ADAMTS9: variants seen among roughly 807,000 people sequenced by gnomAD.
ADAMTS9 encodes A disintegrin and metalloproteinase with thrombospondin motifs 9.
In ADAMTS9, 107 loss-of-function variants were observed where a neutral mutation model predicts 257.1. The ratio of observed to expected loss-of-function variants is 0.42; its 90% CI spans 0.36 to 0.49. The LOEUF is 0.49. Among genes scored for constraint, ADAMTS9 ranks in the 20% least tolerant of loss-of-function variants. The probability of loss-of-function intolerance (pLI) is 0.03; values close to 1 mark genes in which losing one functional copy is unlikely to be tolerated. For synonymous variants in ADAMTS9, 982 were observed against 880.9 expected, an observed-to-expected ratio of 1.11 and a Z score of -2.03; for missense variants, 2,353 against 2,469.1, an observed-to-expected ratio of 0.95 and a Z score of 1.00.
chr3:64,548,599 G>GA (rs1215385552), intron 31 of ADAMTS9, among the ~76,000 whole-genome samples: 1 of 151,674 alleles, frequency 6.6e-6, no homozygotes, highest in Non-Finnish European at 1.5e-5. Flanking sequence ...ATTTATGTGG[G>GA]GGGGAGCCCA....
intron 19 of ADAMTS9, 120 bp downstream of exon 19, chr3:64,620,994 A>G: frequency 7.9e-7 from 1 of 1,271,642 alleles, no homozygotes; most frequent in South Asian, 1.5e-5. Context: ...AGCTTATTTC[A>G]CTGAAACACA....
chr3:64,600,054 T>A, intron 26 of ADAMTS9, among the ~76,000 whole-genome samples: 1 of 118,530 alleles, frequency 8.4e-6, no homozygotes, highest in African/African-American at 3.9e-5. Context: ...TTCTGTTCTT[T>A]TTTTTTTTTT....
At chr3:64,681,017 C>A (rs1013323097) in intron 3 of ADAMTS9, among the ~76,000 whole-genome samples, 184 bp downstream of exon 3, 1 of 152,186 alleles carries the variant, frequency 6.6e-6, no homozygotes, top group South Asian at 2.1e-4. Context: ...AGACAAGGTA[C>A]TAAACCTCTC....
intron 19 of ADAMTS9, among the ~76,000 whole-genome samples, chr3:64,620,365 T>C (rs547328709): frequency 3.3e-5 from 5 of 152,162 alleles, no homozygotes; most frequent in South Asian, 2.1e-4. Context: ...TTTCTGCTTA[T>C]AAATGGTGAG....
intron 8 of ADAMTS9, among the ~76,000 whole-genome samples, chr3:64,653,506 T>C (rs1025904636): frequency 6.6e-6 from 1 of 152,194 alleles, no homozygotes; most frequent in African/African-American, 2.4e-5. Flanking sequence ...TCTCCCTCTG[T>C]GCCTCGTACA....
At chr3:64,673,081 T>TAGGCTATGTACCACGTAGCCTAGGG in intron 3 of ADAMTS9, among the ~76,000 whole-genome samples, 3 of 131,088 alleles carry the variant, frequency 2.3e-5, no homozygotes, top group African/African-American at 9.1e-5. Flanking sequence ...GTAGCCTAGG[T>TAGGCTATGTACCACGTAGCCTAGGG]GTGTGGTAGG....
intron 7 of ADAMTS9, 47 bp from the exon 8 acceptor site, chr3:64,654,505 T>G (rs139844136): frequency 1.3e-6 from 2 of 1,596,526 alleles, no homozygotes; most frequent in African/African-American, 2.9e-5. Context: ...AAAAAGCAAC[T>G]GTGGCTTGAA....
At chr3:64,532,436 G>A (rs980669318) in intron 38 of ADAMTS9, among the ~76,000 whole-genome samples, 4 of 152,250 alleles carry the variant, frequency 2.6e-5, no homozygotes, top group Admixed American at 1.3e-4. Context: ...GGTTTCTACC[G>A]AGCGTGTTCT....
At position 64,664,353 on chromosome 3, in the gene ADAMTS9, C is replaced by T. The variant is rs543683899; in HGVS notation, c.680-5562G>A. 3.1e-4 allele frequency among the ~76,000 whole-genome samples: 47 copies of T among 152,198 alleles called. 1 individual carries two copies. The South Asian group carries it at 5.4e-3, about 17-fold the overall frequency. On this transcript the variant is annotated intron_variant, in intron 3 of 39. Coordinates refer to ENST00000498707, the MANE Select transcript of ADAMTS9 (RefSeq NM_182920.2). The stretch of plus-strand genomic sequence containing the variant: ...GGTTTTCAGGATATTCATAGAGTTC[C>T]ACAATCATGGCCACCATCTAACTTT...
In ADAMTS9 at chr3:64,602,168, A is replaced by G; in HGVS notation, c.3793T>C (p.Cys1265Arg). 1 of 1,614,054 alleles carries G rather than the reference A, an allele frequency of 6.2e-7. No homozygotes were observed. Among genetic ancestry groups the G allele is most frequent in the Non-Finnish European group, 8.5e-7 (1 of 1,179,970 alleles). ...ATCACGTGGTCACTGTAGTTGACAC[A>G]CATCACTTGCCGGGTTGCCCTACCT... ...GQGRATRQVMCVNYSDHVIDR... is the reference protein window; with the variant it reads ...GQGRATRQVMRVNYSDHVIDR... Residue 1265 changes from cysteine (C) to arginine (R), a missense_variant, in exon 26 of 40, where the codon TGT (cysteine) becomes CGT (arginine). Physicochemically the swap from Cys to Arg is radical, Grantham distance 180. Coordinates refer to ENST00000498707, the MANE Select transcript of ADAMTS9 (RefSeq NM_182920.2).
At chr3:64,625,146 A>G (rs1238577820) in intron 16 of ADAMTS9, among the ~76,000 whole-genome samples, 2 of 152,218 alleles carry the variant, frequency 1.3e-5, no homozygotes, top group East Asian at 3.9e-4. Flanking sequence ...AATAATTTTC[A>G]TCCCCGGTGC....
At chr3:64,532,665 C>T (rs1397766225) in intron 38 of ADAMTS9, among the ~76,000 whole-genome samples, 1 of 152,172 alleles carries the variant, frequency 6.6e-6, no homozygotes, top group Non-Finnish European at 1.5e-5. Context: ...ACCTTAACCA[C>T]CCAGATTTTA....
At chr3:64,517,144 T>C (rs141862828) in intron 39 of ADAMTS9, 23 bp from the exon 40 acceptor site, 90 of 152,594 alleles carry the variant, frequency 5.9e-4, no homozygotes, top group Middle Eastern at 3.4e-3. Flanking sequence ...AACCAGAAAA[T>C]ATAAACCTTC....
At chr3:64,598,363 G>A (rs2084401907) in intron 26 of ADAMTS9, among the ~76,000 whole-genome samples, 1 of 149,812 alleles carries the variant, frequency 6.7e-6, no homozygotes, top group Admixed American at 6.7e-5. Flanking sequence ...TGTCACCCAG[G>A]CTAGAACACA....
chr3:64,564,256 C>T (rs1299087282), intron 29 of ADAMTS9, among the ~76,000 whole-genome samples: 1 of 152,174 alleles, frequency 6.6e-6, no homozygotes, highest in Non-Finnish European at 1.5e-5. Flanking sequence ...TCTCTACTCC[C>T]CACTGTGCAA....
At chr3:64,606,438 A>G (rs2106820412) in intron 23 of ADAMTS9, among the ~76,000 whole-genome samples, 1 of 152,324 alleles carries the variant, frequency 6.6e-6, no homozygotes, top group Middle Eastern at 3.4e-3. Context: ...TCCACCATAC[A>G]GACACATACG....
At chr3:64,554,583 A>C (rs2106940282) in intron 30 of ADAMTS9, among the ~76,000 whole-genome samples, 1 of 152,346 alleles carries the variant, frequency 6.6e-6, no homozygotes, top group African/African-American at 2.4e-5. Flanking sequence ...ACAGTTGGAA[A>C]GTTCAATTAG....
At position 64,604,255 on chromosome 3, in the gene ADAMTS9, G is replaced by T. The variant is rs192384417; in HGVS notation, c.3551C>A (p.Thr1184Asn). Residue 1184 changes from threonine to asparagine, a missense_variant, in exon 24 of 40, where the codon ACC becomes AAC. Physicochemically the swap from Thr to Asn is moderately conservative, Grantham distance 65. Coordinates refer to ENST00000498707, the MANE Select transcript of ADAMTS9 (RefSeq NM_182920.2). Reference sequence around the variant, plus strand: ...GGTCCAAGACCCAAATCGCCACTGGGTTCTTGGTGCACTGTATGTGCTTCT... The same window carrying T: ...GGTCCAAGACCCAAATCGCCACTGGTTTCTTGGTGCACTGTATGTGCTTCT... ...TRRSTYSAPR[T>N]QWRFGSWTPC... 1 of 1,613,510 alleles carries T rather than the reference G, an allele frequency of 6.2e-7. No individual in the cohort carries two copies. Among genetic ancestry groups the T allele is most frequent in the African/African-American group, 1.3e-5 (1 of 74,874 alleles).
chr3:64,581,979 A>G (rs1266073313), intron 28 of ADAMTS9, among the ~76,000 whole-genome samples: 1 of 152,102 alleles, frequency 6.6e-6, no homozygotes, highest in Non-Finnish European at 1.5e-5. Context: ...TGGAGTCACT[A>G]CTAGTGTTTA....
Sources: allele counts gnomAD v4.1 joint callset (sites outside exome capture counted in the v4.1 genomes callset), GRCh38; gene constraint gnomAD v4.1.1; transcripts MANE v1.5; gene names NCBI Gene and HGNC (gene_info 2026-07-23, HGNC 2026-07-21).